Variants in BMPR1B observed in about 807,000 individuals in gnomAD.
The protein encoded by BMPR1B is bone morphogenetic protein receptor type-1B.
BMPR1B carries 12 observed loss-of-function variants against 59.1 expected under a neutral mutation model. The observed-to-expected ratio is 0.20, with a 90% CI of 0.13 to 0.33. BMPR1B has a LOEUF of 0.33. BMPR1B is among the 10% of genes least tolerant of loss of function. The pLI is 1.00. For missense variants in BMPR1B, 550 were observed against 610.9 expected (o/e 0.90, Z 1.05); for synonymous variants, 237 against 207.3 (o/e 1.14, Z -1.23).
chr4:95,154,185 G>A (rs1305439114), intron 12 of BMPR1B, among the ~76,000 whole-genome samples: 1 of 152,220 alleles, frequency 6.6e-6, no homozygotes, highest in Non-Finnish European at 1.5e-5. Flanking sequence ...AACTGTGTTT[G>A]TTTGCATAGT....
At chr4:95,048,474 G>C (rs1024920263) in intron 3 of BMPR1B, among the ~76,000 whole-genome samples, 1 of 152,060 alleles carries the variant, frequency 6.6e-6, no homozygotes. Flanking sequence ...GTGGATTTTT[G>C]ACTTTTTAGT....
chr4:94,821,437 A>G (rs969078912), intron 1 of BMPR1B, among the ~76,000 whole-genome samples: 1 of 152,014 alleles, frequency 6.6e-6, no homozygotes, highest in African/African-American at 2.4e-5. Context: ...TGATATATGC[A>G]TATATTCTAT....
intron 1 of BMPR1B, among the ~76,000 whole-genome samples, chr4:94,859,714 TAAAAAA>T (rs141466157): frequency 6.6e-6 from 1 of 150,384 alleles, no homozygotes; most frequent in African/African-American, 2.4e-5. Context: ...TGACAAGACT[TAAAAAA>T]AAAGAGTTAC....
At position 95,131,276 on chromosome 4, in the gene BMPR1B, C is replaced by T; in HGVS notation, c.840C>T (p.Asp280=). 2 of 1,613,882 alleles carry T rather than the reference C, an allele frequency of 1.2e-6. No individual in the cohort carries two copies. Among genetic ancestry groups the T allele is most frequent in the Non-Finnish European group, 1.7e-6 (2 of 1,179,906 alleles). Residue 280 remains aspartate, a synonymous_variant, in exon 10 of 13, where the codon GAC becomes GAT. Transcript: ENST00000515059. ...GGACCCAGTTGTACCTAATCACAGA[C>T]TATCATGAAAATGGTTCCCTTTATG... The part of the protein sequence containing the change: ...GSWTQLYLIT[D]YHENGSLYDY...
At chr4:94,785,479 T>C (rs1722729037) in intron 1 of BMPR1B, among the ~76,000 whole-genome samples, 1 of 152,100 alleles carries the variant, frequency 6.6e-6, no homozygotes, top group South Asian at 2.1e-4. Context: ...GCATAAGATA[T>C]GGGTGAAAAG....
At position 94,917,126 on chromosome 4, in the gene BMPR1B, A is replaced by G. The variant is rs1482311135; in HGVS notation, c.-113+41226A>G. On this transcript the variant is annotated intron_variant, in intron 2 of 12. Coordinates refer to ENST00000515059, the MANE Select transcript of BMPR1B (RefSeq NM_001203.3). Reference sequence around the variant, plus strand: ...CTGCCTATATTTCAGAGGATATATGAGAAAGCCTGGATGTCCAGGCAGAGG... The same window carrying G: ...CTGCCTATATTTCAGAGGATATATGGGAAAGCCTGGATGTCCAGGCAGAGG... Among the ~76,000 whole-genome samples the G allele has an allele frequency of 1.4e-4, 21 of 152,230 alleles. 1 individual carries two copies. The highest frequency in any genetic ancestry group is 1.4e-3 in the Admixed American group (21 of 15,292).
intron 1 of BMPR1B, among the ~76,000 whole-genome samples, chr4:94,811,649 G>T (rs1270993432): frequency 6.6e-6 from 1 of 152,056 alleles, no homozygotes; most frequent in Non-Finnish European, 1.5e-5. Flanking sequence ...CAAAATTCCG[G>T]AGTTTAAGTT....
intron 1 of BMPR1B, among the ~76,000 whole-genome samples, chr4:94,816,792 C>G (rs920893605): frequency 6.6e-6 from 1 of 152,086 alleles, no homozygotes. Context: ...CCAGGCTCAT[C>G]CAGTTCTTAT....
chr4:95,156,113 T>A lies in BMPR1B; in HGVS notation c.*1440T>A, dbSNP rs1003979426. On this transcript the variant is annotated 3_prime_UTR_variant, in exon 13 of 13. Transcript: ENST00000515059. ...ACAAAATATCTCTTCACCTACTTAG[T>A]TCTACAGGGTTTTAACTTTGGAGCA... The A allele has an allele frequency of 4.6e-5, 7 of 152,176 alleles. No individual in the cohort carries two copies. The allele number at this position is 152,176 out of a possible 1,614,324, so 9.4% of individuals were successfully genotyped here. A position where few individuals can be genotyped will look rare whatever the true frequency, so the allele number is the denominator to read the frequency against.
intron 1 of BMPR1B, among the ~76,000 whole-genome samples, chr4:94,870,381 C>A (rs1334428056): frequency 7.0e-6 from 1 of 143,802 alleles, no homozygotes; most frequent in African/African-American, 3.0e-5. Context: ...TACTTCCTGC[C>A]AAGAGAGAGA....
chr4:94,784,085 A>G (rs1255515025), intron 1 of BMPR1B, among the ~76,000 whole-genome samples: 1 of 152,164 alleles, frequency 6.6e-6, no homozygotes, highest in Non-Finnish European at 1.5e-5. Context: ...TCTTGCTCTT[A>G]AGACAATTTC....
chr4:94,913,649 CTG>C (rs140050722), intron 2 of BMPR1B, among the ~76,000 whole-genome samples: 11 of 150,336 alleles, frequency 7.3e-5, no homozygotes, highest in Admixed American at 1.3e-4. Context: ...TTAATTATCT[CTG>C]TGTGTGTGTG....
chr4:94,821,789 C>T (rs1254146755), intron 1 of BMPR1B, among the ~76,000 whole-genome samples: 1 of 152,112 alleles, frequency 6.6e-6, no homozygotes, highest in Non-Finnish European at 1.5e-5. Flanking sequence ...GTACTGTGTG[C>T]CAATAGCTAG....
intron 2 of BMPR1B, among the ~76,000 whole-genome samples, chr4:94,970,530 C>T (rs2149076404): frequency 6.6e-6 from 1 of 152,246 alleles, no homozygotes; most frequent in South Asian, 2.1e-4. Context: ...TCAGACTGGT[C>T]AAGAACTCCT....
intron 3 of BMPR1B, among the ~76,000 whole-genome samples, chr4:95,070,660 C>T (rs1728210945): frequency 6.6e-6 from 1 of 151,862 alleles, no homozygotes; most frequent in South Asian, 2.1e-4. Context: ...AGTCTAGTGG[C>T]CTTACAAAAA....
intron 1 of BMPR1B, among the ~76,000 whole-genome samples, chr4:94,784,016 T>A (rs1344771628): frequency 6.6e-6 from 1 of 152,080 alleles, no homozygotes; most frequent in African/African-American, 2.4e-5. Flanking sequence ...GACCATAGAC[T>A]CTCAACCTTC....
At chr4:94,987,835 T>C (rs1038645336) in intron 2 of BMPR1B, among the ~76,000 whole-genome samples, 3 of 152,278 alleles carry the variant, frequency 2.0e-5, no homozygotes, top group African/African-American at 7.2e-5. Context: ...AATGAAAATA[T>C]CCTTTAATGA....
At chr4:95,130,186 C>T (rs1339472926) in intron 9 of BMPR1B, 132 bp downstream of exon 9, 1 of 1,064,880 alleles carries the variant, frequency 9.4e-7, no homozygotes, top group East Asian at 2.6e-5. Flanking sequence ...TGGCATGGGC[C>T]CAAGAACATC....
At chr4:94,979,726 T>C (rs190460887) in intron 2 of BMPR1B, among the ~76,000 whole-genome samples, 1 of 152,342 alleles carries the variant, frequency 6.6e-6, no homozygotes, top group Admixed American at 6.5e-5. Context: ...TAAAAATGAA[T>C]AGTGAAAACT....
Sources: allele counts gnomAD v4.1 joint callset (sites outside exome capture counted in the v4.1 genomes callset), GRCh38; gene constraint gnomAD v4.1.1; transcripts MANE v1.5; gene names NCBI Gene and HGNC (gene_info 2026-07-23, HGNC 2026-07-21).